Variants in INSR observed in about 807,000 individuals in gnomAD.
INSR encodes the protein insulin receptor, also known as IR.
In INSR, 67 loss-of-function variants were observed where a neutral mutation model predicts 142.6. The observed-to-expected ratio is 0.47, with a 90% CI of 0.39 to 0.58. INSR has a LOEUF of 0.58. Ranked by LOEUF, INSR falls within the 20% of genes least tolerant of loss-of-function variation. INSR has a pLI of 0.00. For synonymous variants in INSR, 756 were observed against 743.1 expected (o/e 1.02, Z -0.28); for missense variants, 1,248 against 1,833.2 (o/e 0.68, Z 5.83).
Position 7,113,006 on chromosome 19 carries a change from A to G in INSR, c.*4050T>C, listed in dbSNP as rs1435688997. On this transcript the variant is annotated 3_prime_UTR_variant, in exon 22 of 22. Coordinates refer to ENST00000302850, the MANE Select transcript of INSR (RefSeq NM_000208.4). Reference sequence around the variant, plus strand: ...ATAAAATCGGCATTCCCTGTTCCCCATCCTCAACAAAACCATTGTTTCTGA... The same window carrying G: ...ATAAAATCGGCATTCCCTGTTCCCCGTCCTCAACAAAACCATTGTTTCTGA... 6.6e-6 allele frequency: 1 copy of G among 152,136 alleles called. No homozygotes were observed. The allele number at this position is 152,136 out of a possible 1,614,324, so 9.4% of individuals were successfully genotyped here. A position where few individuals can be genotyped will look rare whatever the true frequency, so the allele number is the denominator to read the frequency against.
intron 12 of INSR, among the ~76,000 whole-genome samples, chr19:7,142,298 G>A (rs1447204215): frequency 3.4e-5 from 5 of 148,596 alleles, no homozygotes; most frequent in South Asian, 4.3e-4. Context: ...GCTGAGGCAG[G>A]AGAATTGCTT....
At chr19:7,284,446 G>A (rs1001224971) in intron 1 of INSR, among the ~76,000 whole-genome samples, 10 of 152,106 alleles carry the variant, frequency 6.6e-5, no homozygotes, top group Admixed American at 3.9e-4. Flanking sequence ...ACCCTGGGGG[G>A]CATTTGAAAC....
chr19:7,221,699 T>A (rs1172042919), intron 2 of INSR, among the ~76,000 whole-genome samples: 2 of 151,374 alleles, frequency 1.3e-5, no homozygotes, highest in Non-Finnish European at 2.9e-5. Context: ...CAGAGTGAGA[T>A]TCCATCTCAG....
chr19:7,243,930 T>C (rs1338676852), intron 2 of INSR, among the ~76,000 whole-genome samples: 1 of 152,210 alleles, frequency 6.6e-6, no homozygotes, highest in African/African-American at 2.4e-5. Context: ...CTAGAAGCCC[T>C]GGTCAATAGA....
chr19:7,146,047 A>G (rs547765995), intron 11 of INSR, among the ~76,000 whole-genome samples: 5 of 152,146 alleles, frequency 3.3e-5, no homozygotes, highest in Admixed American at 6.6e-5. Flanking sequence ...ATTGAAACAG[A>G]TATGATCTTC....
Position 7,197,918 on chromosome 19 carries a change from A to AGTGTGTGTGT in INSR, c.653-13291_653-13282dup, listed in dbSNP as rs71864058. Among the ~76,000 whole-genome samples the AGTGTGTGTGT allele has an allele frequency of 8.0e-3, 801 of 100,272 alleles. 6 individuals are homozygous for AGTGTGTGTGT. The highest frequency in any genetic ancestry group is 0.023 in the South Asian group (69 of 2,940). The allele number at this position is 100,272 out of a possible 152,430, so 65.8% of individuals were successfully genotyped here. A position where few individuals can be genotyped will look rare whatever the true frequency, so the allele number is the denominator to read the frequency against. ...CAGGATTGGTCGGTTCCAGAGTGAG[A>AGTGTGTGTGT]GTGTGTGTGTGTGTGTGTGTGTGTG... On this transcript the variant is annotated intron_variant, in intron 2 of 21. Transcript: ENST00000302850.
chr19:7,161,827 A>G (rs1433340197), intron 9 of INSR, among the ~76,000 whole-genome samples: 1 of 152,120 alleles, frequency 6.6e-6, no homozygotes, highest in Non-Finnish European at 1.5e-5. Flanking sequence ...GTGCCAAGAC[A>G]TGGGAAAAAT....
intron 1 of INSR, among the ~76,000 whole-genome samples, chr19:7,274,359 A>C (rs1968003621): frequency 6.6e-6 from 1 of 151,754 alleles, no homozygotes; most frequent in Non-Finnish European, 1.5e-5. Flanking sequence ...CCCAGCTCCT[A>C]ACAGGACATG....
In INSR at chr19:7,166,500, C is replaced by G; in HGVS notation, c.1611-96G>C. The stretch of plus-strand genomic sequence containing the variant: ...CCTGGGAAGTTACATCCCATAGGGT[C>G]ACATGTTACTCACCCAACAATCTAA... On this transcript the variant is annotated intron_variant, in intron 7 of 21. Transcript: ENST00000302850. The surrounding 1 kb of genome is among the most constrained non-coding windows in gnomAD (Gnocchi z 4.1). 7.6e-7 allele frequency: 1 copy of G among 1,320,844 alleles called. No individual in the cohort carries two copies. Among genetic ancestry groups the G allele is most frequent in the Non-Finnish European group, 1.1e-6 (1 of 940,560 alleles). The allele number at this position is 1,320,844 out of a possible 1,614,324, so 81.8% of individuals were successfully genotyped here.
intron 1 of INSR, among the ~76,000 whole-genome samples, chr19:7,290,765 CAAAAAAAAAAAAG>C (rs1968469573): frequency 9.4e-6 from 1 of 106,212 alleles, no homozygotes; most frequent in African/African-American, 3.9e-5. Flanking sequence ...CACCCTGTCT[CAAAAAAAAAAAAG>C]AAAAAAAAAA....
chr19:7,145,662 T>C (rs1288944677), intron 11 of INSR, among the ~76,000 whole-genome samples: 2 of 152,178 alleles, frequency 1.3e-5, no homozygotes, highest in African/African-American at 4.8e-5. Context: ...GTGGGTGGGG[T>C]TGCATTCCAA....
intron 2 of INSR, among the ~76,000 whole-genome samples, chr19:7,186,955 A>C (rs1974448918): frequency 6.6e-6 from 1 of 151,324 alleles, no homozygotes; most frequent in Non-Finnish European, 1.5e-5. Flanking sequence ...CTCCTGCCTC[A>C]GCCTCCCAAA....
chr19:7,209,324 C>T (rs1299471157), intron 2 of INSR, among the ~76,000 whole-genome samples: 3 of 152,214 alleles, frequency 2.0e-5, no homozygotes. Flanking sequence ...ATCGCTCTCA[C>T]CTCTCTCCAG....
chr19:7,276,253 C>T (rs1037507384), intron 1 of INSR, among the ~76,000 whole-genome samples: 2 of 151,942 alleles, frequency 1.3e-5, no homozygotes, highest in African/African-American at 4.8e-5. Context: ...TCAAGTGATC[C>T]TCCTGCCTCA....
chr19:7,190,155 T>C (rs1974539140), intron 2 of INSR, among the ~76,000 whole-genome samples: 1 of 151,694 alleles, frequency 6.6e-6, no homozygotes, highest in Admixed American at 6.6e-5. Context: ...GAGACCAGCC[T>C]GGGTAACAGA....
intron 2 of INSR, among the ~76,000 whole-genome samples, chr19:7,222,783 C>T (rs1975659290): frequency 6.6e-6 from 1 of 152,130 alleles, no homozygotes; most frequent in Non-Finnish European, 1.5e-5. Context: ...CTGTAGGTAA[C>T]TACGCTTCCT....
intron 3 of INSR, among the ~76,000 whole-genome samples, chr19:7,180,305 G>A (rs751954309): frequency 2.0e-5 from 3 of 152,108 alleles, no homozygotes; most frequent in Non-Finnish European, 4.4e-5. Flanking sequence ...CAAGGTGGGA[G>A]GATCACTTAA....
At chr19:7,221,102 A>C (rs1975596797) in intron 2 of INSR, among the ~76,000 whole-genome samples, 1 of 152,180 alleles carries the variant, frequency 6.6e-6, no homozygotes, top group Non-Finnish European at 1.5e-5. Context: ...GGCCGAGCGC[A>C]GTGGCTCACG....
In INSR at chr19:7,125,608, A is replaced by C; in HGVS notation, c.3014-81T>G. On this transcript the variant is annotated intron_variant, in intron 16 of 21. Coordinates refer to ENST00000302850, the MANE Select transcript of INSR (RefSeq NM_000208.4). This position sits in a 1 kb window ranked among gnomAD's most constrained non-coding sequence, Gnocchi z 4.9. ...CACCTTCCACCCAAGCCCTCACCCA[A>C]ACCCCCTCGAAAACACTCATGAAAT... The C allele has an allele frequency of 6.4e-7, 1 of 1,574,130 alleles. No individual in the cohort carries two copies. The highest frequency in any genetic ancestry group is 8.6e-7 in the Non-Finnish European group (1 of 1,156,810).
Sources: allele counts gnomAD v4.1 joint callset (sites outside exome capture counted in the v4.1 genomes callset), GRCh38; gene constraint gnomAD v4.1.1; non-coding constraint Gnocchi (gnomAD v3.1); transcripts MANE v1.5; gene names NCBI Gene and HGNC (gene_info 2026-07-23, HGNC 2026-07-21).